The following GSG1L variants were observed in gnomAD, a reference collection of about 807,000 sequenced individuals.
The protein encoded by GSG1L is GSG1 like, also known as germ cell-specific gene 1-like protein.
GSG1L carries 24 observed loss-of-function variants against 42.1 expected under a neutral mutation model. That is an observed-to-expected ratio of 0.57 (90% CI 0.41 to 0.80). The LOEUF (loss-of-function observed/expected upper bound fraction) is 0.80, where lower values mean the gene tolerates loss of function less well. Among genes scored for constraint, GSG1L ranks in the 30% least tolerant of loss-of-function variants. GSG1L has a pLI of 0.00. For synonymous variants in GSG1L, 215 were observed against 203.5 expected, an observed-to-expected ratio of 1.06 and a Z score of -0.48; for missense variants, 445 against 472.2, an observed-to-expected ratio of 0.94 and a Z score of 0.53.
intron 6 of GSG1L, among the ~76,000 whole-genome samples, chr16:27,794,814 T>C (rs1421828131): frequency 6.6e-6 from 1 of 152,144 alleles, no homozygotes; most frequent in Admixed American, 6.5e-5. Flanking sequence ...TTCTGTTCCA[T>C]GGCTTTGCAT....
chr16:27,868,002 C>A (rs1202976532), intron 3 of GSG1L, among the ~76,000 whole-genome samples: 1 of 152,274 alleles, frequency 6.6e-6, no homozygotes, highest in Non-Finnish European at 1.5e-5. Context: ...ACCAGCAGTT[C>A]CTCCAGCGTA....
rs142307329 is a variant in GSG1L at position 27,966,731 on chromosome 16, GA to G, written c.350-3529del. 3.4e-4 allele frequency among the ~76,000 whole-genome samples: 52 copies of G among 152,286 alleles called. No individual in the cohort carries two copies. In the East Asian group the frequency reaches 9.2e-3, roughly 27 times the overall value. ...AACTTCTAGACCTTTCTAACAAAGA[GA>G]GGGGGCGCACGCTGGACCTATGCTC... On this transcript the variant is annotated intron_variant, in intron 1 of 6. Transcript: ENST00000447459.
intron 3 of GSG1L, among the ~76,000 whole-genome samples, chr16:27,860,573 T>G (rs896278384): frequency 6.6e-6 from 1 of 152,238 alleles, no homozygotes; most frequent in East Asian, 1.9e-4. Context: ...TGTCTCAGAA[T>G]AGCCATTGGG....
intron 6 of GSG1L, among the ~76,000 whole-genome samples, chr16:27,795,069 T>C (rs945917460): frequency 6.6e-6 from 1 of 152,084 alleles, no homozygotes; most frequent in Non-Finnish European, 1.5e-5. Flanking sequence ...GTCTCCCCAA[T>C]GAAACTGGGG....
At chr16:27,986,532 G>C (rs1217433918) in intron 1 of GSG1L, among the ~76,000 whole-genome samples, 1 of 151,744 alleles carries the variant, frequency 6.6e-6, no homozygotes, top group Non-Finnish European at 1.5e-5. Context: ...AGATAGAAAA[G>C]TGTGATTTGG....
chr16:27,900,148 G>A (rs758875604), intron 2 of GSG1L, among the ~76,000 whole-genome samples: 25 of 152,188 alleles, frequency 1.6e-4, no homozygotes, highest in Non-Finnish European at 3.2e-4. Flanking sequence ...TGGGAATGCA[G>A]ACAGAACAGG....
At chr16:27,900,329 T>G (rs1188288712) in intron 2 of GSG1L, among the ~76,000 whole-genome samples, 1 of 152,216 alleles carries the variant, frequency 6.6e-6, no homozygotes, top group Non-Finnish European at 1.5e-5. Flanking sequence ...TGGGTGCTAT[T>G]ACCATCTCCA....
At chr16:27,977,559 CAAAAAAAAAAAAAAAA>C (rs34588077) in intron 1 of GSG1L, among the ~76,000 whole-genome samples, 1 of 44,946 alleles carries the variant, frequency 2.2e-5, no homozygotes, top group Non-Finnish European at 3.9e-5. Context: ...CACCCTGCCT[CAAAAAAAAAAAAAAAA>C]AAAAAAAAAA....
chr16:27,801,457 C>G (rs914547628), intron 6 of GSG1L, among the ~76,000 whole-genome samples: 2 of 152,198 alleles, frequency 1.3e-5, no homozygotes, highest in African/African-American at 4.8e-5. Flanking sequence ...CCGCCTCCCC[C>G]GTTCCTCCTG....
intron 1 of GSG1L, among the ~76,000 whole-genome samples, chr16:28,023,623 G>A (rs1398336556): frequency 6.6e-6 from 1 of 152,300 alleles, no homozygotes; most frequent in Non-Finnish European, 1.5e-5. Context: ...TATTGTCAAA[G>A]TGTTCCTCTT....
chr16:28,011,238 C>T (rs900052189), intron 1 of GSG1L, among the ~76,000 whole-genome samples: 7 of 152,246 alleles, frequency 4.6e-5, no homozygotes, highest in Admixed American at 4.6e-4. Flanking sequence ...CTGGGCCTGG[C>T]CTGGTCCTTG....
rs149829560 is a variant in GSG1L at position 28,053,248 on chromosome 16, G to A, written c.349+9828C>T. 9.6e-4 allele frequency among the ~76,000 whole-genome samples: 146 copies of A among 152,360 alleles called. 1 individual carries two copies. Among genetic ancestry groups the A allele is most frequent in the African/African-American group, 3.2e-3 (135 of 41,568 alleles). The stretch of plus-strand genomic sequence containing the variant: ...CTTAGGGAGAAGCTGCTTCCCACAT[G>A]CCACGTTTGCTTAGAGTGTGAATGA... On this transcript the variant is annotated intron_variant, in intron 1 of 6. Transcript: ENST00000447459.
rs745719201 is a variant in GSG1L, at chr16:27,788,730, CAA to C, written c.*2638_*2639del. 3 of 152,228 alleles carry C rather than the reference CAA, an allele frequency of 2.0e-5. No homozygotes were observed. The highest frequency in any genetic ancestry group is 7.2e-5 in the African/African-American group (3 of 41,452). The allele number at this position is 152,228 out of a possible 1,614,324, so 9.4% of individuals were successfully genotyped here. On this transcript the variant is annotated 3_prime_UTR_variant, in exon 7 of 7. Coordinates refer to ENST00000447459, the MANE Select transcript of GSG1L (RefSeq NM_001109763.2). ...TTGTTGTCCTGTTAGTAAACACCCA[CAA>C]AGTGTTTACTTGTGCCAGGCTCTGT...
intron 3 of GSG1L, among the ~76,000 whole-genome samples, chr16:27,871,097 A>G (rs1050867587): frequency 3.9e-5 from 6 of 152,132 alleles, no homozygotes; most frequent in Admixed American, 3.9e-4. Context: ...CCAAACCAGC[A>G]GTCTTGCTGA....
intron 1 of GSG1L, among the ~76,000 whole-genome samples, chr16:27,991,778 G>A (rs11861533): frequency 0.22 from 33,026 of 152,012 alleles, 3,881 homozygotes; most frequent in South Asian, 0.35. Flanking sequence ...AACCAAAATC[G>A]TGGTATTCCA....
At chr16:28,036,680 C>T (rs746049372) in intron 1 of GSG1L, among the ~76,000 whole-genome samples, 2 of 152,210 alleles carry the variant, frequency 1.3e-5, no homozygotes, top group Non-Finnish European at 2.9e-5. Flanking sequence ...GAGACCCAGC[C>T]AGGTAGCAGC....
intron 1 of GSG1L, among the ~76,000 whole-genome samples, chr16:28,058,418 C>CA (rs1370862211): frequency 1.3e-5 from 2 of 152,040 alleles, no homozygotes; most frequent in Non-Finnish European, 2.9e-5. Context: ...CGCTTGAGGC[C>CA]AGGAATTTGA....
intron 2 of GSG1L, among the ~76,000 whole-genome samples, chr16:27,892,159 C>T (rs1023970531): frequency 6.6e-6 from 1 of 151,962 alleles, no homozygotes; most frequent in Non-Finnish European, 1.5e-5. Context: ...TTTAAATGTA[C>T]ATGTAAAAAA....
chr16:28,011,682 C>T (rs1279421463), intron 1 of GSG1L, among the ~76,000 whole-genome samples: 1 of 152,160 alleles, frequency 6.6e-6, no homozygotes, highest in Non-Finnish European at 1.5e-5. Flanking sequence ...GCCTTCACGG[C>T]CATCGAGGAC....
Sources: gnomAD v4.1 joint callset for allele counts (sites outside exome capture counted in the v4.1 genomes callset) on GRCh38, gnomAD v4.1.1 for gene constraint, MANE v1.5 for transcripts, NCBI Gene and HGNC (gene_info 2026-07-23, HGNC 2026-07-21) for gene names.